Variants in TBK1 observed in about 807,000 individuals in gnomAD.
The protein encoded by TBK1 is TANK binding kinase 1, also known as serine/threonine-protein kinase TBK1.
Under a neutral mutation model 99.9 loss-of-function variants are expected in TBK1, and 37 were observed. The observed-to-expected ratio is 0.37, with a 90% CI of 0.28 to 0.49. TBK1 has a LOEUF of 0.49. Ranked by LOEUF, TBK1 falls within the 20% of genes least tolerant of loss-of-function variation. The pLI, the probability that TBK1 is intolerant of heterozygous loss-of-function variation, is 0.98. For synonymous variants in TBK1, 258 were observed against 279.8 expected (o/e 0.92, Z 0.78); for missense variants, 644 against 872.5 (o/e 0.74, Z 3.30).
At chr12:64,452,884 T>C (rs907709813) in intron 1 of TBK1, 4 of 152,356 alleles carry the variant, frequency 2.6e-5, no homozygotes, top group South Asian at 2.1e-4. Flanking sequence ...TTGCCAAATG[T>C]ATAACCAAAG....
intron 20 of TBK1, among the ~76,000 whole-genome samples, chr12:64,500,086 T>A (rs2040973232): frequency 6.6e-6 from 1 of 152,202 alleles, no homozygotes; most frequent in Non-Finnish European, 1.5e-5. Flanking sequence ...AGTCAGTTCC[T>A]CCTGTGTTTT....
At chr12:64,462,444 A>C (rs2040557350) in intron 3 of TBK1, among the ~76,000 whole-genome samples, 1 of 152,330 alleles carries the variant, frequency 6.6e-6, no homozygotes, top group African/African-American at 2.4e-5. Context: ...AAACAGCATT[A>C]TGTATCTATG....
chr12:64,484,352 T>C lies in TBK1; in HGVS notation c.1042T>C (p.Ser348Pro). Reference protein sequence around the residue: ...LVYKQTKIISSNQELIYEGRR... With the variant: ...LVYKQTKIISPNQELIYEGRR... Reference sequence around the variant, plus strand: ...ATATAAACAAACCAAAATTATTTCTTCAAATCAAGAACTTATCTACGAAGG... The same window carrying C: ...ATATAAACAAACCAAAATTATTTCTCCAAATCAAGAACTTATCTACGAAGG... Residue 348 changes from serine to proline, a missense_variant, in exon 9 of 21, where the codon TCA becomes CCA. By Grantham distance (74) the Ser-to-Pro change is moderately conservative. Around this residue, in one of 3 missense-constraint regions of TBK1, gnomAD observed 465 missense variants for 588.0 expected, o/e 0.79. Coordinates refer to ENST00000331710, the MANE Select transcript of TBK1 (RefSeq NM_013254.4). 1 of 1,613,748 alleles carries C rather than the reference T, an allele frequency of 6.2e-7. No homozygotes were observed. The highest frequency in any genetic ancestry group is 8.5e-7 in the Non-Finnish European group (1 of 1,179,874).
chr12:64,483,140 T>TA, intron 8 of TBK1, among the ~76,000 whole-genome samples: 1 of 152,314 alleles, frequency 6.6e-6, no homozygotes, highest in African/African-American at 2.4e-5. Flanking sequence ...TTAAAATAGC[T>TA]AAAAAAATAT....
chr12:64,466,879 C>T (rs750194358), intron 4 of TBK1, 22 bp from the exon 5 acceptor site: 1 of 1,520,464 alleles, frequency 6.6e-7, no homozygotes, highest in Non-Finnish European at 8.9e-7. Context: ...ATTATGACTT[C>T]TTTTGTTTTA....
intron 2 of TBK1, 127 bp from the exon 3 acceptor site, chr12:64,460,062 T>G (rs2040529346): frequency 1.1e-5 from 6 of 543,216 alleles, no homozygotes; most frequent in African/African-American, 2.0e-5. Context: ...TCATACAGAT[T>G]CCCTGTGCCT....
At chr12:64,462,904 C>G (rs1353702034) in intron 3 of TBK1, among the ~76,000 whole-genome samples, 1 of 152,168 alleles carries the variant, frequency 6.6e-6, no homozygotes, top group Non-Finnish European at 1.5e-5. Flanking sequence ...AAATCAGCAT[C>G]TCAGATGCAA....
chr12:64,485,717 C>T (rs2040814189), intron 10 of TBK1: 1 of 441,706 alleles, frequency 2.3e-6, no homozygotes, highest in East Asian at 3.5e-5. Context: ...TAAGAAAATT[C>T]TCTCCATTGA....
chr12:64,471,302 G>A (rs2040660395), intron 5 of TBK1, among the ~76,000 whole-genome samples: 1 of 151,268 alleles, frequency 6.6e-6, no homozygotes, highest in Non-Finnish European at 1.5e-5. Context: ...CTAGATAGCT[G>A]GGGTTACAGG....
At chr12:64,469,775 C>T (rs1430925835) in intron 5 of TBK1, among the ~76,000 whole-genome samples, 1 of 150,008 alleles carries the variant, frequency 6.7e-6, no homozygotes, top group East Asian at 2.0e-4. Flanking sequence ...CTCTCTTTCT[C>T]TTTCTCTCAC....
intron 4 of TBK1, 112 bp downstream of exon 4, chr12:64,464,575 A>G (rs913713145): frequency 5.0e-6 from 4 of 796,496 alleles, no homozygotes. Context: ...TTCATTAGAT[A>G]TGACACCAAA....
chr12:64,491,933 A>G (rs2040873812), intron 13 of TBK1, among the ~76,000 whole-genome samples: 1 of 152,198 alleles, frequency 6.6e-6, no homozygotes, highest in Non-Finnish European at 1.5e-5. Context: ...TTGTTTATGA[A>G]ACTTTGATTC....
intron 5 of TBK1, 35 bp from the exon 6 acceptor site, chr12:64,474,195 G>A (rs370577098): frequency 1.9e-6 from 3 of 1,580,552 alleles, no homozygotes; most frequent in African/African-American, 1.4e-5. Context: ...ATGGGTCACA[G>A]GTTCATGATT....
intron 11 of TBK1, among the ~76,000 whole-genome samples, chr12:64,487,606 T>C (rs1416578052): frequency 6.6e-6 from 1 of 152,216 alleles, no homozygotes; most frequent in Admixed American, 6.5e-5. Flanking sequence ...CTATCGTCAA[T>C]TGCTGATCCA....
chr12:64,500,015 T>A (rs901976281), intron 20 of TBK1, among the ~76,000 whole-genome samples: 13 of 152,288 alleles, frequency 8.5e-5, no homozygotes, highest in African/African-American at 3.1e-4. Flanking sequence ...CTTTTAACTT[T>A]TATATTTAAC....
chr12:64,475,969 A>G (rs912016566), intron 6 of TBK1, among the ~76,000 whole-genome samples: 6 of 152,122 alleles, frequency 3.9e-5, no homozygotes, highest in African/African-American at 7.2e-5. Context: ...ACTAATTTGC[A>G]TTCCCACCAA....
intron 5 of TBK1, among the ~76,000 whole-genome samples, chr12:64,474,019 A>G (rs947229909): frequency 6.6e-6 from 1 of 152,192 alleles, no homozygotes. Flanking sequence ...TCCACATTAA[A>G]TTATGAAGCA....
In TBK1 at chr12:64,480,100, C is replaced by T. The variant is rs758384241; in HGVS notation, c.790C>T (p.Pro264Ser). Residue 264 changes from proline (P) to serine (S), a missense_variant, in exon 7 of 21, where the codon CCT (proline) becomes TCT (serine). Physicochemically the swap from Pro to Ser is moderately conservative, Grantham distance 74 (BLOSUM62 -1). Coordinates refer to ENST00000331710, the MANE Select transcript of TBK1 (RefSeq NM_013254.4). ...NGPIDWSGDM[P>S]VSCSLSRGLQ... is the part of the protein sequence containing the mutation. ...ACCAATTGACTGGAGTGGAGACATG[C>T]CTGTTTCTTGCAGTCTTTCTCGGTA... 3 of 1,611,904 alleles carry T rather than the reference C, an allele frequency of 1.9e-6. No individual in the cohort carries two copies. The highest frequency in any genetic ancestry group is 2.5e-6 in the Non-Finnish European group (3 of 1,178,806).
intron 2 of TBK1, among the ~76,000 whole-genome samples, chr12:64,456,708 G>A (rs924210058): frequency 4.6e-5 from 7 of 151,992 alleles, no homozygotes; most frequent in Non-Finnish European, 7.4e-5. Flanking sequence ...CAGGCGTGGT[G>A]GCGGGCGCCT....
Sources: gnomAD v4.1 joint callset for allele counts (sites outside exome capture counted in the v4.1 genomes callset) on GRCh38, gnomAD v4.1.1 for gene constraint, gnomAD v4.1.1 regional missense constraint, MANE v1.5 for transcripts, NCBI Gene and HGNC (gene_info 2026-07-23, HGNC 2026-07-21) for gene names.